Variants in SORCS1 observed in about 807,000 individuals in gnomAD.
SORCS1 encodes VPS10 domain-containing receptor SorCS1.
SORCS1 carries 60 observed loss-of-function variants against 146.1 expected under a neutral mutation model. That is an observed-to-expected ratio of 0.41 (90% CI 0.33 to 0.51). The LOEUF (loss-of-function observed/expected upper bound fraction) is 0.51, where lower values mean the gene tolerates loss of function less well. SORCS1 is among the 20% of genes least tolerant of loss of function. SORCS1 has a pLI of 0.21. For missense variants in SORCS1, 1,352 were observed against 1,487.6 expected (o/e 0.91, Z 1.50); for synonymous variants, 637 against 584.0 (o/e 1.09, Z -1.31).
intron 2 of SORCS1, among the ~76,000 whole-genome samples, chr10:106,934,806 C>T (rs566007765): frequency 2.6e-5 from 4 of 152,182 alleles, no homozygotes; most frequent in East Asian, 1.9e-4. Context: ...TGAAGTAACT[C>T]GGGAATGGAA....
At chr10:106,723,663 AG>A (rs1447279475) in intron 6 of SORCS1, among the ~76,000 whole-genome samples, 5 of 152,248 alleles carry the variant, frequency 3.3e-5, no homozygotes, top group Non-Finnish European at 7.3e-5. Flanking sequence ...TACATATTAG[AG>A]GATAGTTGGT....
At chr10:106,817,535 T>C (rs1947802253) in intron 3 of SORCS1, among the ~76,000 whole-genome samples, 2 of 152,186 alleles carry the variant, frequency 1.3e-5, no homozygotes, top group African/African-American at 4.8e-5. Context: ...GACCACCTCC[T>C]CAGGGTCCAA....
chr10:106,989,398 T>G (rs1169840411), intron 1 of SORCS1, among the ~76,000 whole-genome samples: 2 of 151,970 alleles, frequency 1.3e-5, no homozygotes, highest in Non-Finnish European at 2.9e-5. Flanking sequence ...AAACTTGATG[T>G]ATGGGAACTT....
intron 23 of SORCS1, among the ~76,000 whole-genome samples, chr10:106,598,541 T>C (rs973324128): frequency 6.6e-6 from 1 of 152,214 alleles, no homozygotes; most frequent in East Asian, 1.9e-4. Context: ...ATTACAGGCA[T>C]GAGCCACTGC....
chr10:106,844,290 C>A (rs1210018859), intron 2 of SORCS1, among the ~76,000 whole-genome samples: 1 of 151,894 alleles, frequency 6.6e-6, no homozygotes, highest in Non-Finnish European at 1.5e-5. Context: ...ATGATTGTTT[C>A]TTTGCTATGC....
intron 1 of SORCS1, among the ~76,000 whole-genome samples, chr10:107,152,313 G>C (rs747924962): frequency 3.3e-5 from 5 of 152,248 alleles, no homozygotes; most frequent in Non-Finnish European, 7.3e-5. Context: ...TGCTAGGACA[G>C]AGGAGAAGGG....
chr10:107,109,514 A>G (rs1487951774), intron 1 of SORCS1, among the ~76,000 whole-genome samples: 1 of 152,200 alleles, frequency 6.6e-6, no homozygotes, highest in African/African-American at 2.4e-5. Context: ...TGTGGGGAGC[A>G]GCATCCCAAT....
intron 6 of SORCS1, among the ~76,000 whole-genome samples, chr10:106,713,614 G>C (rs1855152054): frequency 6.6e-6 from 1 of 152,196 alleles, no homozygotes; most frequent in African/African-American, 2.4e-5. Context: ...TGTTCACATA[G>C]CTATAGCACG....
At chr10:106,879,634 G>T (rs368812147) in intron 2 of SORCS1, among the ~76,000 whole-genome samples, 12 of 152,286 alleles carry the variant, frequency 7.9e-5, no homozygotes, top group South Asian at 6.2e-4. Context: ...GCTCCTAAAG[G>T]CAGAAGAAAA....
chr10:107,025,573 C>A (rs940548921), intron 1 of SORCS1, among the ~76,000 whole-genome samples: 1 of 152,168 alleles, frequency 6.6e-6, no homozygotes, highest in African/African-American at 2.4e-5. Flanking sequence ...AAATCAGATA[C>A]ACTGGATACA....
intron 1 of SORCS1, among the ~76,000 whole-genome samples, chr10:107,126,360 T>G (rs1014175125): frequency 4.6e-5 from 7 of 152,170 alleles, no homozygotes; most frequent in Non-Finnish European, 8.8e-5. Flanking sequence ...AGTCAGCATC[T>G]TTGAAAATTG....
intron 24 of SORCS1, among the ~76,000 whole-genome samples, chr10:106,589,023 A>G (rs1187934923): frequency 6.6e-6 from 1 of 152,218 alleles, no homozygotes; most frequent in African/African-American, 2.4e-5. Flanking sequence ...TATTTATAGC[A>G]GATATCTCCC....
intron 1 of SORCS1, among the ~76,000 whole-genome samples, chr10:107,114,009 T>G (rs958276807): frequency 3.3e-5 from 5 of 152,082 alleles, no homozygotes; most frequent in Non-Finnish European, 7.4e-5. Flanking sequence ...AGAGACTACT[T>G]GAGTACAGTT....
chr10:106,634,075 C>G (rs767012176), intron 18 of SORCS1, among the ~76,000 whole-genome samples: 2 of 152,140 alleles, frequency 1.3e-5, no homozygotes, highest in African/African-American at 4.8e-5. Flanking sequence ...ACTGTAAGTA[C>G]TAAGGGTGTA....
At chr10:106,889,888 T>TAAAAA (rs772421907) in intron 2 of SORCS1, among the ~76,000 whole-genome samples, 725 of 71,056 alleles carry the variant, frequency 0.01, 71 homozygotes, top group African/African-American at 0.033. Context: ...ACGTCTCAAA[T>TAAAAA]AAAAAAAAAA....
chr10:106,687,857 A>T (rs1003888712), intron 10 of SORCS1, among the ~76,000 whole-genome samples: 4 of 152,174 alleles, frequency 2.6e-5, no homozygotes, highest in Admixed American at 1.3e-4. Context: ...GCAACAGGTT[A>T]CTCATGAGAA....
At chr10:106,754,655 T>C (rs145590731) in intron 5 of SORCS1, among the ~76,000 whole-genome samples, 3 of 152,308 alleles carry the variant, frequency 2.0e-5, no homozygotes, top group East Asian at 3.9e-4. Flanking sequence ...TTGACTGGCA[T>C]TGAACTGTGG....
chr10:106,730,628 C>T (rs1352854233), intron 5 of SORCS1, among the ~76,000 whole-genome samples: 1 of 152,104 alleles, frequency 6.6e-6, no homozygotes, highest in African/African-American at 2.4e-5. Flanking sequence ...TATTGTCGAA[C>T]CCGTGTGAAG....
chr10:106,988,243 A>G (rs1180892277), intron 1 of SORCS1, among the ~76,000 whole-genome samples: 2 of 152,256 alleles, frequency 1.3e-5, no homozygotes, highest in Non-Finnish European at 2.9e-5. Flanking sequence ...AAAGGAATCT[A>G]GCCACTTACT....
Sources: gnomAD v4.1 joint callset for allele counts (sites outside exome capture counted in the v4.1 genomes callset) on GRCh38, gnomAD v4.1.1 for gene constraint, MANE v1.5 for transcripts, NCBI Gene and HGNC (gene_info 2026-07-23, HGNC 2026-07-21) for gene names.